The following PGPEP1 variants were observed in gnomAD, a reference collection of about 807,000 sequenced individuals.
PGPEP1 encodes pyroglutamyl-peptidase I.
A neutral mutation model predicts 24.1 loss-of-function variants in PGPEP1; 15 were observed. The observed-to-expected ratio is 0.62, with a 90% CI of 0.42 to 0.96. The LOEUF is 0.96. Ranked by LOEUF, PGPEP1 falls within the 40% of genes least tolerant of loss-of-function variation. PGPEP1 has a pLI of 0.00. For missense variants in PGPEP1, 242 were observed against 273.4 expected (o/e 0.89, Z 0.81); for synonymous variants, 122 against 116.4 (o/e 1.05, Z -0.31).
intron 2 of PGPEP1, among the ~76,000 whole-genome samples, chr19:18,348,109 AC>A (rs1970910616): frequency 6.6e-6 from 1 of 151,834 alleles, no homozygotes; most frequent in Non-Finnish European, 1.5e-5. Flanking sequence ...AGCACGAGGC[AC>A]CATGTGTCTC....
In PGPEP1 at chr19:18,369,847, GC is replaced by G. The variant is rs1228551207; in HGVS notation, c.*6270del. ...CTTTTCTGAAACTCCTGTGTCCCGG[GC>G]CCCCCAGGCGGAGAAGGATATGCCG... On this transcript the variant is annotated 3_prime_UTR_variant, in exon 5 of 5. Transcript: ENST00000269919. 1 of 152,238 alleles carries G rather than the reference GC, an allele frequency of 6.6e-6. No individual in the cohort carries two copies. The highest frequency in any genetic ancestry group is 1.5e-5 in the Non-Finnish European group (1 of 68,056). 9.4% of individuals were successfully genotyped at this position (152,238 alleles called of 1,614,324 possible).
At chr19:18,357,857 G>A (rs1971233678) in intron 4 of PGPEP1, 3 of 541,380 alleles carry the variant, frequency 5.5e-6, no homozygotes, top group South Asian at 4.2e-5. Context: ...CTCCCACCTG[G>A]ACACTGCCCC....
chr19:18,357,714 A>T, intron 4 of PGPEP1, 99 bp downstream of exon 4: 2 of 822,164 alleles, frequency 2.4e-6, no homozygotes. Flanking sequence ...GCCTCTTTGG[A>T]CCAAGCACTC....
In PGPEP1 at chr19:18,363,737, T is replaced by C. The variant is rs1393966169; in HGVS notation, c.*154T>C. 3.7e-6 allele frequency: 2 copies of C among 546,548 alleles called. No individual in the cohort carries two copies. The highest frequency in any genetic ancestry group is 6.3e-6 in the Non-Finnish European group (2 of 318,524). The allele number at this position is 546,548 out of a possible 1,614,324, so 33.9% of individuals were successfully genotyped here. The stretch of plus-strand genomic sequence containing the variant: ...TCTGCCCACCTCCTCTTCCTCCTTC[T>C]CTACAAAAGCTCCGGTTGATTCGAG... On this transcript the variant is annotated 3_prime_UTR_variant, in exon 5 of 5. Transcript: ENST00000269919.
chr19:18,347,854 G>A (rs549527263), intron 2 of PGPEP1, among the ~76,000 whole-genome samples: 10 of 151,990 alleles, frequency 6.6e-5, no homozygotes, highest in South Asian at 4.2e-4. Context: ...GGCTGGTCTC[G>A]AACTCCTGAC....
Position 18,355,180 on chromosome 19 carries a change from A to G in PGPEP1, c.88-715A>G, listed in dbSNP as rs558531241. 3.8e-4 allele frequency among the ~76,000 whole-genome samples: 57 copies of G among 151,696 alleles called. No homozygotes were observed. In the South Asian group the frequency reaches 0.01, roughly 27 times the overall value. Reference sequence around the variant, plus strand: ...GAGATGGGGTTTCACTGTGTTAGCCAGGATGGTCTCGATCTCCTGACCTCG... The same window carrying G: ...GAGATGGGGTTTCACTGTGTTAGCCGGGATGGTCTCGATCTCCTGACCTCG... On this transcript the variant is annotated intron_variant, in intron 2 of 4. Coordinates refer to ENST00000269919, the MANE Select transcript of PGPEP1 (RefSeq NM_017712.4).
At chr19:18,346,558 C>G (rs1306663415) in intron 2 of PGPEP1, among the ~76,000 whole-genome samples, 2 of 151,360 alleles carry the variant, frequency 1.3e-5, no homozygotes, top group East Asian at 1.9e-4. Context: ...ATCTGTGTCT[C>G]TCTTCATCTC....
chr19:18,362,169 G>A (rs1321317536), intron 4 of PGPEP1, among the ~76,000 whole-genome samples: 1 of 152,152 alleles, frequency 6.6e-6, no homozygotes, highest in Non-Finnish European at 1.5e-5. Flanking sequence ...CACTTTGGGA[G>A]GCCGAGGCAG....
chr19:18,342,804 G>A (rs879430306), intron 1 of PGPEP1, 55 bp from the exon 2 acceptor site: 2 of 1,393,288 alleles, frequency 1.4e-6, no homozygotes, highest in African/African-American at 2.8e-5. Flanking sequence ...CCAGGCCAGG[G>A]GCAGACTGGG....
At chr19:18,347,025 G>A (rs770129824) in intron 2 of PGPEP1, among the ~76,000 whole-genome samples, 45 of 148,140 alleles carry the variant, frequency 3.0e-4, no homozygotes, top group Non-Finnish European at 4.9e-4. Context: ...TTCCCACCTC[G>A]TCCCTTCTTT....
At chr19:18,360,009 G>A (rs1281113791) in intron 4 of PGPEP1, among the ~76,000 whole-genome samples, 1 of 152,072 alleles carries the variant, frequency 6.6e-6, no homozygotes, top group Non-Finnish European at 1.5e-5. Flanking sequence ...TTACCATCAG[G>A]ATTTTTGTTT....
chr19:18,363,677 C>A lies in PGPEP1; in HGVS notation c.*94C>A. The A allele has an allele frequency of 1.2e-6, 1 of 848,864 alleles. No individual in the cohort carries two copies. Among genetic ancestry groups the A allele is most frequent in the Non-Finnish European group, 1.8e-6 (1 of 546,242 alleles). The allele number at this position is 848,864 out of a possible 1,614,324, so 52.6% of individuals were successfully genotyped here. On this transcript the variant is annotated 3_prime_UTR_variant, in exon 5 of 5. Coordinates refer to ENST00000269919, the MANE Select transcript of PGPEP1 (RefSeq NM_017712.4). Reference sequence around the variant, plus strand: ...TGTGGCCAGGAAAAGACAAGCTCTTCAGCTTGGGGATCCGATCTGGAAGAG... The same window carrying A: ...TGTGGCCAGGAAAAGACAAGCTCTTAAGCTTGGGGATCCGATCTGGAAGAG...
chr19:18,360,387 C>T (rs1328046729), intron 4 of PGPEP1, among the ~76,000 whole-genome samples: 8 of 152,074 alleles, frequency 5.3e-5, no homozygotes, highest in African/African-American at 1.4e-4. Context: ...GACAGGATCT[C>T]GTTCTGTATC....
chr19:18,360,160 C>T (rs1971303154), intron 4 of PGPEP1, among the ~76,000 whole-genome samples: 1 of 151,982 alleles, frequency 6.6e-6, no homozygotes, highest in Admixed American at 6.6e-5. Flanking sequence ...GACACCACCA[C>T]GTCCAGCTAA....
intron 2 of PGPEP1, among the ~76,000 whole-genome samples, chr19:18,345,328 T>G (rs1431743007): frequency 6.6e-6 from 1 of 152,104 alleles, no homozygotes; most frequent in Non-Finnish European, 1.5e-5. Flanking sequence ...TCCCAAAGTT[T>G]AGGACACAAG....
chr19:18,342,829 G>T (rs760599021), intron 1 of PGPEP1, 30 bp from the exon 2 acceptor site: 1 of 1,592,542 alleles, frequency 6.3e-7, no homozygotes, highest in Non-Finnish European at 8.6e-7. Context: ...GCCACTCTTG[G>T]GTAATATATT....
chr19:18,358,439 T>A (rs1971252481), intron 4 of PGPEP1, among the ~76,000 whole-genome samples: 1 of 151,890 alleles, frequency 6.6e-6, no homozygotes, highest in Non-Finnish European at 1.5e-5. Flanking sequence ...TTTATACTTT[T>A]ATTAGAGACA....
At chr19:18,361,615 A>T in intron 4 of PGPEP1, 2 of 500,438 alleles carry the variant, frequency 4.0e-6, no homozygotes, top group Non-Finnish European at 5.2e-6. Flanking sequence ...ATTAATTTTT[A>T]ATCATAGGTA....
intron 2 of PGPEP1, 33 bp downstream of exon 2, chr19:18,342,944 T>A: frequency 6.4e-7 from 1 of 1,561,598 alleles, no homozygotes; most frequent in Non-Finnish European, 8.8e-7. Context: ...GAGTCAGGCT[T>A]GGAGCTGGGC....
Sources: allele counts gnomAD v4.1 joint callset (sites outside exome capture counted in the v4.1 genomes callset), GRCh38; gene constraint gnomAD v4.1.1; transcripts MANE v1.5; gene names NCBI Gene and HGNC (gene_info 2026-07-23, HGNC 2026-07-21).